ZSWIM6: variants seen among roughly 807,000 people sequenced by gnomAD.
ZSWIM6 encodes the protein zinc finger SWIM domain-containing protein 6.
In ZSWIM6, 9 loss-of-function variants were observed where a neutral mutation model predicts 113.2. That is an observed-to-expected ratio of 0.08 (90% CI 0.05 to 0.14). The LOEUF (loss-of-function observed/expected upper bound fraction) is 0.14, where lower values mean the gene tolerates loss of function less well. Ranked by LOEUF, ZSWIM6 falls within the 10% of genes least tolerant of loss-of-function variation. The pLI, the probability that ZSWIM6 is intolerant of heterozygous loss-of-function variation, is 1.00. For missense variants in ZSWIM6, 1,162 were observed against 1,552.2 expected (o/e 0.75, Z 4.22); for synonymous variants, 611 against 606.5 (o/e 1.01, Z -0.11).
At chr5:61,421,671 T>C (rs988115969) in intron 1 of ZSWIM6, among the ~76,000 whole-genome samples, 4 of 152,208 alleles carry the variant, frequency 2.6e-5, no homozygotes, top group Non-Finnish European at 5.9e-5. Context: ...TGTTGTTCCC[T>C]TCTTTGTGTC....
chr5:61,451,832 T>G (rs1747092398), intron 1 of ZSWIM6, among the ~76,000 whole-genome samples: 1 of 152,276 alleles, frequency 6.6e-6, no homozygotes, highest in East Asian at 1.9e-4. Context: ...TGGAAAAAAT[T>G]TTAGCACCTA....
intron 1 of ZSWIM6, among the ~76,000 whole-genome samples, chr5:61,361,950 T>C (rs1160489902): frequency 6.6e-6 from 1 of 152,182 alleles, no homozygotes; most frequent in Non-Finnish European, 1.5e-5. Context: ...TGATTAACCA[T>C]TATGTGAGTC....
intron 1 of ZSWIM6, among the ~76,000 whole-genome samples, chr5:61,403,039 A>G (rs1745971103): frequency 6.6e-6 from 1 of 152,250 alleles, no homozygotes; most frequent in South Asian, 2.1e-4. Context: ...GGTAAAATTA[A>G]GAGAGTAATT....
chr5:61,379,896 T>G (rs1745442442), intron 1 of ZSWIM6, among the ~76,000 whole-genome samples: 2 of 152,164 alleles, frequency 1.3e-5, no homozygotes. Context: ...ACTGAAAGTG[T>G]GAGCACTCTT....
chr5:61,428,157 C>T (rs889445763), intron 1 of ZSWIM6, among the ~76,000 whole-genome samples: 5 of 152,082 alleles, frequency 3.3e-5, no homozygotes, highest in Non-Finnish European at 7.4e-5. Context: ...CTAATTTATA[C>T]AGAACTTCCT....
chr5:61,486,694 G>A (rs1007111196), intron 2 of ZSWIM6, among the ~76,000 whole-genome samples: 1 of 152,098 alleles, frequency 6.6e-6, no homozygotes, highest in African/African-American at 2.4e-5. Context: ...CTCATGGTTA[G>A]TGATGTTGAG....
intron 1 of ZSWIM6, among the ~76,000 whole-genome samples, chr5:61,348,128 G>A (rs1215935030): frequency 2.0e-5 from 3 of 152,174 alleles, no homozygotes; most frequent in Non-Finnish European, 4.4e-5. Flanking sequence ...GGCTGAGGCA[G>A]GAAAATGGCG....
chr5:61,537,013 C>G (rs1749593842), intron 10 of ZSWIM6, among the ~76,000 whole-genome samples: 1 of 152,164 alleles, frequency 6.6e-6, no homozygotes, highest in African/African-American at 2.4e-5. Flanking sequence ...GACATATGCT[C>G]AACTCTATAC....
intron 1 of ZSWIM6, among the ~76,000 whole-genome samples, chr5:61,373,587 C>T (rs1745310388): frequency 6.6e-6 from 1 of 152,012 alleles, no homozygotes; most frequent in Non-Finnish European, 1.5e-5. Flanking sequence ...TCTATTTCCA[C>T]CCTTGTCACT....
At chr5:61,365,164 C>T (rs1051522995) in intron 1 of ZSWIM6, among the ~76,000 whole-genome samples, 8 of 151,914 alleles carry the variant, frequency 5.3e-5, no homozygotes, top group Middle Eastern at 3.2e-3. Context: ...ACAGCCTGGC[C>T]AACACGGTGA....
chr5:61,514,163 T>G (rs780286342), intron 4 of ZSWIM6, among the ~76,000 whole-genome samples: 1 of 152,116 alleles, frequency 6.6e-6, no homozygotes, highest in African/African-American at 2.4e-5. Flanking sequence ...CTTAGAATTA[T>G]AAGCCAAGAT....
chr5:61,447,674 C>T (rs1016311074), intron 1 of ZSWIM6, among the ~76,000 whole-genome samples: 10 of 152,122 alleles, frequency 6.6e-5, no homozygotes, highest in Admixed American at 2.0e-4. Flanking sequence ...AGCAGCTGAC[C>T]GGCAAGCAAT....
chr5:61,544,999 TATAAC>T lies in ZSWIM6; in HGVS notation c.*685_*689del. On this transcript the variant is annotated 3_prime_UTR_variant, in exon 14 of 14. Transcript: ENST00000252744. ...ATAGTATATGTCTGAATATTGAAAATATAACATTAACTAATTTATAAAAAATATTC... is the reference window on the plus strand; with the variant it reads ...ATAGTATATGTCTGAATATTGAAAATATTAACTAATTTATAAAAAATATTC... 1 of 151,786 alleles carries T rather than the reference TATAAC, an allele frequency of 6.6e-6. No homozygotes were observed. The highest frequency in any genetic ancestry group is 1.5e-5 in the Non-Finnish European group (1 of 67,988). The allele number at this position is 151,786 out of a possible 1,614,324, so 9.4% of individuals were successfully genotyped here.
intron 1 of ZSWIM6, among the ~76,000 whole-genome samples, chr5:61,425,368 G>C (rs1435778992): frequency 6.6e-6 from 1 of 152,162 alleles, no homozygotes. Flanking sequence ...CATTTCCACT[G>C]GTATCTGGCA....
At chr5:61,386,565 G>A (rs1745596515) in intron 1 of ZSWIM6, among the ~76,000 whole-genome samples, 1 of 152,120 alleles carries the variant, frequency 6.6e-6, no homozygotes, top group Admixed American at 6.6e-5. Context: ...CTTATCATGG[G>A]CACAGCTGAC....
At chr5:61,345,544 A>G (rs1028850237) in intron 1 of ZSWIM6, among the ~76,000 whole-genome samples, 5 of 152,198 alleles carry the variant, frequency 3.3e-5, no homozygotes, top group African/African-American at 1.2e-4. Context: ...AAGAATAGTA[A>G]TTGTATTCTT....
chr5:61,470,072 G>T (rs990043657), intron 1 of ZSWIM6, among the ~76,000 whole-genome samples: 1 of 152,114 alleles, frequency 6.6e-6, no homozygotes, highest in African/African-American at 2.4e-5. Flanking sequence ...ATACTAACTG[G>T]TTTAACGCTT....
chr5:61,447,130 A>G (rs1364471566), intron 1 of ZSWIM6, among the ~76,000 whole-genome samples: 1 of 152,292 alleles, frequency 6.6e-6, no homozygotes, highest in Middle Eastern at 3.4e-3. Context: ...TGCTTAGAAC[A>G]GCAGCGTGAA....
chr5:61,435,979 A>G (rs968510970), intron 1 of ZSWIM6, among the ~76,000 whole-genome samples: 1 of 152,192 alleles, frequency 6.6e-6, no homozygotes, highest in African/African-American at 2.4e-5. Context: ...AGGCGAGCGG[A>G]TCACCTGAAG....
Sources: allele counts gnomAD v4.1 joint callset (sites outside exome capture counted in the v4.1 genomes callset), GRCh38; gene constraint gnomAD v4.1.1; transcripts MANE v1.5; gene names NCBI Gene and HGNC (gene_info 2026-07-23, HGNC 2026-07-21).